ELP2: variants seen among roughly 807,000 people sequenced by gnomAD.
The protein encoded by ELP2 is elongator complex protein 2.
A neutral mutation model predicts 119.2 loss-of-function variants in ELP2; 90 were observed. That is an observed-to-expected ratio of 0.75 (90% confidence interval 0.64 to 0.90). The LOEUF (loss-of-function observed/expected upper bound fraction) is 0.90, where lower values mean the gene tolerates loss of function less well. Among genes scored for constraint, ELP2 ranks in the 40% least tolerant of loss-of-function variants. The probability of loss-of-function intolerance (pLI) is 0.00; values close to 1 mark genes in which losing one functional copy is unlikely to be tolerated. For missense variants in ELP2, 921 were observed against 967.8 expected (o/e 0.95, Z 0.64); for synonymous variants, 339 against 331.0 (o/e 1.02, Z -0.26).
intron 12 of ELP2, among the ~76,000 whole-genome samples, chr18:36,155,317 C>T (rs565046816): frequency 4.8e-5 from 7 of 147,270 alleles, no homozygotes; most frequent in South Asian, 2.2e-4. Context: ...CCACTGCAGC[C>T]GGCCTCTTCT....
chr18:36,149,020 A>T (rs768783529), intron 11 of ELP2, among the ~76,000 whole-genome samples: 6 of 152,368 alleles, frequency 3.9e-5, no homozygotes, highest in Non-Finnish European at 7.3e-5. Context: ...AGTCAATATT[A>T]TATACAACTT....
chr18:36,139,677 A>G, intron 5 of ELP2: 1 of 1,400,190 alleles, frequency 7.1e-7, no homozygotes, highest in South Asian at 1.4e-5. Context: ...CTAAAGTAAG[A>G]AAATCTTTGA....
In ELP2 at chr18:36,138,416, G is replaced by C. The variant is rs1435553533; in HGVS notation, c.435G>C (p.Lys145Asn). The change falls in exon 4 of 22, where the codon AAG becomes AAC. Residue 145 changes from lysine to asparagine, a missense_variant. Coordinates refer to ENST00000358232, the MANE Select transcript of ELP2 (RefSeq NM_018255.4). Reference sequence around the variant, plus strand: ...CTGCTGTTCGACTCTGGTCTAAAAAGGGTCCAGAAGGTAGGTTTGGAGACA... The same window carrying C: ...CTGCTGTTCGACTCTGGTCTAAAAACGGTCCAGAAGGTAGGTTTGGAGACA... ...ADSAVRLWSK[K>N]GPEVMCLQTL... 3 of 1,614,036 alleles carry C rather than the reference G, an allele frequency of 1.9e-6. No homozygotes were observed. Among genetic ancestry groups the C allele is most frequent in the Non-Finnish European group, 2.5e-6 (3 of 1,179,998 alleles).
intron 10 of ELP2, 63 bp from the exon 11 acceptor site, chr18:36,146,187 G>A (rs1352665665): frequency 6.2e-6 from 10 of 1,605,638 alleles, no homozygotes; most frequent in South Asian, 4.4e-5. Flanking sequence ...TGGAATCAGC[G>A]ATTTCTGTTG....
chr18:36,130,147 A>G (rs2089548101), intron 1 of ELP2, 76 bp downstream of exon 1: 1 of 1,596,270 alleles, frequency 6.3e-7, no homozygotes, highest in Non-Finnish European at 8.6e-7. Flanking sequence ...GCGCGCTGTT[A>G]GTTGCCGCCC....
At chr18:36,139,700 T>A in intron 5 of ELP2, 1 of 1,198,538 alleles carries the variant, frequency 8.3e-7, no homozygotes, top group Non-Finnish European at 1.1e-6. Context: ...AACACATTGG[T>A]GGCAAGGCAT....
At chr18:36,161,728 A>G (rs1045008771) in intron 17 of ELP2, among the ~76,000 whole-genome samples, 1 of 152,202 alleles carries the variant, frequency 6.6e-6, no homozygotes, top group African/African-American at 2.4e-5. Context: ...GCCCACCTGC[A>G]TGGGCTTGTG....
intron 21 of ELP2, among the ~76,000 whole-genome samples, chr18:36,173,353 A>G (rs2091139217): frequency 6.6e-6 from 1 of 152,224 alleles, no homozygotes; most frequent in Non-Finnish European, 1.5e-5. Flanking sequence ...CTTTTATAAT[A>G]TTACCTGTTT....
At chr18:36,157,918 C>T (rs534183903) in intron 13 of ELP2, among the ~76,000 whole-genome samples, 3 of 152,112 alleles carry the variant, frequency 2.0e-5, no homozygotes, top group Admixed American at 6.5e-5. Context: ...TGGGGTTTTA[C>T]GATTCCATGA....
At chr18:36,136,548 CTGTT>C (rs199685569) in intron 3 of ELP2, 171 bp downstream of exon 3, 203 of 637,968 alleles carry the variant, frequency 3.2e-4, no homozygotes, top group Non-Finnish European at 3.1e-4. Context: ...TGGCTGATTT[CTGTT>C]TGTTTGTTTG....
intron 20 of ELP2, among the ~76,000 whole-genome samples, chr18:36,170,716 C>T (rs1221808920): frequency 6.6e-6 from 1 of 152,184 alleles, no homozygotes; most frequent in Non-Finnish European, 1.5e-5. Context: ...GAATGGGGCT[C>T]AAAGATTCTT....
chr18:36,139,748 G>A, intron 5 of ELP2: 1 of 570,606 alleles, frequency 1.8e-6, no homozygotes, highest in South Asian at 4.3e-5. Context: ...AGAGTCATCA[G>A]GGCTGCCCTT....
intron 21 of ELP2, among the ~76,000 whole-genome samples, chr18:36,173,788 C>T (rs1315863153): frequency 2.0e-5 from 3 of 151,750 alleles, no homozygotes; most frequent in Non-Finnish European, 4.4e-5. Flanking sequence ...TCACTTTATT[C>T]CTTTTTGGTT....
intron 13 of ELP2, among the ~76,000 whole-genome samples, chr18:36,157,487 A>G (rs918556144): frequency 6.6e-6 from 1 of 152,058 alleles, no homozygotes; most frequent in African/African-American, 2.4e-5. Flanking sequence ...AGTGGGGAGA[A>G]TGGGGAAAGT....
At chr18:36,133,148 C>A in intron 1 of ELP2, 90 bp from the exon 2 acceptor site, 1 of 860,734 alleles carries the variant, frequency 1.2e-6, no homozygotes, top group Non-Finnish European at 1.9e-6. Flanking sequence ...TTTTTACTAG[C>A]ATCGAAAACA....
intron 5 of ELP2, chr18:36,139,763 A>C: frequency 2.2e-6 from 1 of 452,914 alleles, no homozygotes; most frequent in Non-Finnish European, 3.8e-6. Context: ...GCCCTTTGGT[A>C]ATGCAAATTA....
chr18:36,160,060 C>T, intron 16 of ELP2, 45 bp downstream of exon 16: 1 of 1,594,952 alleles, frequency 6.3e-7, no homozygotes, highest in Non-Finnish European at 8.6e-7. Flanking sequence ...TCTGTCGTAA[C>T]TTCTGACTTT....
chr18:36,142,219 T>A (rs2090056195), intron 6 of ELP2, 62 bp from the exon 7 acceptor site: 8 of 1,330,212 alleles, frequency 6.0e-6, no homozygotes, highest in Non-Finnish European at 8.7e-6. Context: ...CCAAATGATG[T>A]CACTGGTATA....
chr18:36,158,978 T>G, intron 14 of ELP2, 74 bp downstream of exon 14: 7 of 1,021,478 alleles, frequency 6.9e-6, no homozygotes, highest in Non-Finnish European at 1.1e-5. Context: ...GTGTAATGTC[T>G]ACCTAATGTT....
Sources: gnomAD v4.1 joint callset for allele counts (sites outside exome capture counted in the v4.1 genomes callset) on GRCh38, gnomAD v4.1.1 for gene constraint, MANE v1.5 for transcripts, NCBI Gene and HGNC (gene_info 2026-07-23, HGNC 2026-07-21) for gene names.